Variants in MAP4K3 observed in about 807,000 individuals in gnomAD.
MAP4K3 encodes mitogen-activated protein kinase kinase kinase kinase 3, also known as MAPK/ERK kinase kinase kinase 3.
MAP4K3 carries 94 observed loss-of-function variants against 143.5 expected under a neutral mutation model. That is an observed-to-expected ratio of 0.65 (90% CI 0.55 to 0.78). The LOEUF (loss-of-function observed/expected upper bound fraction) is 0.78, where lower values mean the gene tolerates loss of function less well. Among genes scored for constraint, MAP4K3 ranks in the 30% least tolerant of loss-of-function variants. The probability of loss-of-function intolerance (pLI) is 0.00; values close to 1 mark genes in which losing one functional copy is unlikely to be tolerated. For synonymous variants in MAP4K3, 416 were observed against 347.2 expected, an observed-to-expected ratio of 1.20 and a Z score of -2.20; for missense variants, 1,077 against 1,068.1, an observed-to-expected ratio of 1.01 and a Z score of -0.12.
chr2:39,398,520 C>T (rs1666869939), intron 1 of MAP4K3, among the ~76,000 whole-genome samples: 1 of 151,628 alleles, frequency 6.6e-6, no homozygotes, highest in African/African-American at 2.4e-5. Flanking sequence ...GGGTGGGAAA[C>T]AAGACTTCTC....
At chr2:39,337,656 T>A in intron 4 of MAP4K3, 75 bp from the exon 5 acceptor site, 1 of 984,954 alleles carries the variant, frequency 1.0e-6, no homozygotes, top group Non-Finnish European at 1.6e-6. Flanking sequence ...GTTTTACAAG[T>A]TTAAGCAACA....
intron 15 of MAP4K3, among the ~76,000 whole-genome samples, chr2:39,300,926 C>G (rs1682480163): frequency 6.6e-6 from 1 of 152,178 alleles, no homozygotes; most frequent in South Asian, 2.1e-4. Context: ...TAGCATTGTT[C>G]CTGGCACAAA....
chr2:39,400,184 C>T (rs1220042982), intron 1 of MAP4K3, among the ~76,000 whole-genome samples: 1 of 152,160 alleles, frequency 6.6e-6, no homozygotes, highest in Non-Finnish European at 1.5e-5. Flanking sequence ...CCCATCCCTC[C>T]ATTCACAGAA....
intron 26 of MAP4K3, chr2:39,271,846 C>T (rs1386960374): frequency 6.3e-6 from 1 of 157,766 alleles, no homozygotes; most frequent in Non-Finnish European, 1.4e-5. Context: ...ATTTTCCTGC[C>T]TCAGCCTCTC....
At chr2:39,418,589 C>A (rs933972105) in intron 1 of MAP4K3, among the ~76,000 whole-genome samples, 1 of 151,966 alleles carries the variant, frequency 6.6e-6, no homozygotes, top group Non-Finnish European at 1.5e-5. Context: ...AACTAAAAAG[C>A]CAGGTGATCA....
At chr2:39,309,548 ATTTTTTTTTTTT>A (rs749101883) in intron 13 of MAP4K3, 29 bp from the exon 14 acceptor site, 43 of 339,384 alleles carry the variant, frequency 1.3e-4, no homozygotes, top group Admixed American at 1.9e-4. Context: ...TAAAACCAGG[ATTTTTTTTTTTT>A]TTTTTTTTTT....
intron 1 of MAP4K3, among the ~76,000 whole-genome samples, chr2:39,430,864 A>C (rs911052983): frequency 2.6e-5 from 4 of 152,196 alleles, no homozygotes; most frequent in African/African-American, 9.6e-5. Flanking sequence ...AGTCAAGCCC[A>C]ATGCCACCTC....
At chr2:39,343,240 A>G (rs748707939) in intron 4 of MAP4K3, 148 bp downstream of exon 4, 1 of 468,654 alleles carries the variant, frequency 2.1e-6, no homozygotes, top group East Asian at 3.3e-5. Context: ...TCTTCCACCT[A>G]TATCTAAAAT....
intron 1 of MAP4K3, among the ~76,000 whole-genome samples, chr2:39,385,652 G>A (rs757610385): frequency 7.5e-6 from 1 of 133,580 alleles, no homozygotes; most frequent in Non-Finnish European, 1.5e-5. Flanking sequence ...TTTTTGAGAC[G>A]AAGTTTCACT....
intron 8 of MAP4K3, among the ~76,000 whole-genome samples, chr2:39,330,233 A>G (rs745470102): frequency 6.6e-6 from 1 of 152,160 alleles, no homozygotes; most frequent in African/African-American, 2.4e-5. Context: ...ATAATTATGG[A>G]ATATCAAAAC....
intron 3 of MAP4K3, among the ~76,000 whole-genome samples, chr2:39,351,656 T>G (rs1665462508): frequency 6.6e-6 from 1 of 152,202 alleles, no homozygotes; most frequent in Non-Finnish European, 1.5e-5. Context: ...TACTCTGTAC[T>G]TCAAAGGTTT....
chr2:39,304,387 C>T (rs1558634991), intron 15 of MAP4K3, among the ~76,000 whole-genome samples: 1 of 152,174 alleles, frequency 6.6e-6, no homozygotes, highest in African/African-American at 2.4e-5. Context: ...GAGGGCCAGA[C>T]ATTCTGGATT....
At chr2:39,281,564 C>T (rs1200121174) in intron 22 of MAP4K3, among the ~76,000 whole-genome samples, 1 of 151,936 alleles carries the variant, frequency 6.6e-6, no homozygotes, top group Non-Finnish European at 1.5e-5. Context: ...AATGACAAAA[C>T]GAAGAACAAA....
At chr2:39,344,342 T>G (rs938225706) in intron 3 of MAP4K3, among the ~76,000 whole-genome samples, 3 of 152,232 alleles carry the variant, frequency 2.0e-5, no homozygotes, top group Non-Finnish European at 4.4e-5. Flanking sequence ...ATGAATCGTT[T>G]TCCTATTTTA....
intron 2 of MAP4K3, among the ~76,000 whole-genome samples, chr2:39,368,895 C>T (rs1665998243): frequency 6.6e-6 from 1 of 152,066 alleles, no homozygotes; most frequent in African/African-American, 2.4e-5. Context: ...CAAACCTATT[C>T]TTCCCATAAA....
At chr2:39,392,976 G>A (rs1020195183) in intron 1 of MAP4K3, among the ~76,000 whole-genome samples, 2 of 152,076 alleles carry the variant, frequency 1.3e-5, no homozygotes, top group African/African-American at 4.8e-5. Context: ...AGAATAAAGG[G>A]GACTAAGCCA....
chr2:39,250,414 G>C lies in MAP4K3; in HGVS notation c.*204C>G, dbSNP rs1327821767. 6.0e-6 allele frequency: 3 copies of C among 503,960 alleles called. No homozygotes were observed. The highest frequency in any genetic ancestry group is 5.8e-5 in the African/African-American group (3 of 51,904). The allele number at this position is 503,960 out of a possible 1,614,324, so 31.2% of individuals were successfully genotyped here. A position where few individuals can be genotyped will look rare whatever the true frequency, so the allele number is the denominator to read the frequency against. The stretch of plus-strand genomic sequence containing the variant: ...ATATGTACAAAGATTACATAACAAT[G>C]AATTAAGCACTTGTGTGGTTCAATA... On this transcript the variant is annotated 3_prime_UTR_variant, in exon 34 of 34. Transcript: ENST00000263881.
Position 39,325,816 on chromosome 2 carries a change from G to T in MAP4K3, c.726-5C>A. On this transcript the variant is annotated splice_polypyrimidine_tract_variant and splice_region_variant and intron_variant, in intron 10 of 33. Coordinates refer to ENST00000263881, the MANE Select transcript of MAP4K3 (RefSeq NM_003618.4). ...AAGTGATGAAAACTATTTGACCTAA[G>T]AAATTTAGAAAATTAGACTTTTACA... 1.3e-6 allele frequency: 2 copies of T among 1,594,774 alleles called. No individual in the cohort carries two copies. Among genetic ancestry groups the T allele is most frequent in the African/African-American group, 1.4e-5 (1 of 73,730 alleles).
intron 21 of MAP4K3, among the ~76,000 whole-genome samples, chr2:39,285,694 T>C (rs1681743108): frequency 1.3e-5 from 2 of 152,326 alleles, no homozygotes; most frequent in Admixed American, 6.5e-5. Flanking sequence ...AACCATAGCA[T>C]ACTGAATGTA....
Sources: allele counts gnomAD v4.1 joint callset (sites outside exome capture counted in the v4.1 genomes callset), GRCh38; gene constraint gnomAD v4.1.1; transcripts MANE v1.5; gene names NCBI Gene and HGNC (gene_info 2026-07-23, HGNC 2026-07-21).